ITGBL1: variants seen among roughly 807,000 people sequenced by gnomAD.
The protein encoded by ITGBL1 is integrin subunit beta like 1.
A neutral mutation model predicts 68.5 loss-of-function variants in ITGBL1; 51 were observed. The observed-to-expected ratio is 0.74, with a 90% confidence interval of 0.59 to 0.94. The LOEUF is 0.94. Among genes scored for constraint, ITGBL1 ranks in the 40% least tolerant of loss-of-function variants. The pLI, the probability that ITGBL1 is intolerant of heterozygous loss-of-function variation, is 0.00. For missense variants in ITGBL1, 649 were observed against 647.4 expected (o/e 1.00, Z -0.03); for synonymous variants, 209 against 227.3 (o/e 0.92, Z 0.72).
At chr13:101,458,912 T>G (rs1002285985) in intron 2 of ITGBL1, among the ~76,000 whole-genome samples, 1 of 152,172 alleles carries the variant, frequency 6.6e-6, no homozygotes, top group African/African-American at 2.4e-5. Context: ...GGGGAGGAAC[T>G]CCACGGGAGA....
intron 2 of ITGBL1, among the ~76,000 whole-genome samples, chr13:101,551,062 T>C (rs373734931): frequency 3.9e-5 from 6 of 152,228 alleles, no homozygotes; most frequent in Admixed American, 3.3e-4. Context: ...TTGCTGACCC[T>C]CTGTCATCAT....
At chr13:101,562,462 G>C (rs1308412645) in intron 2 of ITGBL1, among the ~76,000 whole-genome samples, 1 of 151,870 alleles carries the variant, frequency 6.6e-6, no homozygotes, top group Non-Finnish European at 1.5e-5. Flanking sequence ...ACATTGACAG[G>C]TTAAATATAA....
chr13:101,663,912 G>C (rs2033148650), intron 7 of ITGBL1, among the ~76,000 whole-genome samples: 1 of 152,196 alleles, frequency 6.6e-6, no homozygotes, highest in Non-Finnish European at 1.5e-5. Context: ...AAGGGAAAGA[G>C]AGAGAGGAAG....
intron 7 of ITGBL1, among the ~76,000 whole-genome samples, chr13:101,602,440 G>T (rs1013428984): frequency 5.9e-5 from 9 of 151,946 alleles, no homozygotes; most frequent in Non-Finnish European, 5.9e-5. Flanking sequence ...AAGTTAATAT[G>T]AAATATGCTT....
intron 2 of ITGBL1, among the ~76,000 whole-genome samples, chr13:101,533,597 T>A (rs1163306490): frequency 6.6e-6 from 1 of 152,254 alleles, no homozygotes; most frequent in Non-Finnish European, 1.5e-5. Context: ...TGGTTAAAAC[T>A]TTTTGATTAG....
At chr13:101,615,889 A>T (rs1427639394) in intron 7 of ITGBL1, among the ~76,000 whole-genome samples, 2 of 152,204 alleles carry the variant, frequency 1.3e-5, no homozygotes, top group Non-Finnish European at 2.9e-5. Flanking sequence ...AGAAGGTGCC[A>T]TCTATGTGTA....
At chr13:101,720,540 G>A (rs1310401977), downstream of ITGBL1, 1 of 145,136 alleles carries the variant, frequency 6.9e-6, no homozygotes, top group Admixed American at 6.8e-5. Context: ...CTGTGTGTGT[G>A]TGTGTGTGTG....
At chr13:101,717,283 C>T (rs1210532418), downstream of ITGBL1, 1 of 152,118 alleles carries the variant, frequency 6.6e-6, no homozygotes, top group South Asian at 2.1e-4. Flanking sequence ...TAACAATGTT[C>T]TCATAATGTA....
At chr13:101,520,509 G>T (rs2049267959) in intron 2 of ITGBL1, among the ~76,000 whole-genome samples, 1 of 152,132 alleles carries the variant, frequency 6.6e-6, no homozygotes, top group Admixed American at 6.5e-5. Flanking sequence ...TTGGAAGTAT[G>T]TATCAGCATG....
At chr13:101,641,163 T>C (rs2032354171) in intron 7 of ITGBL1, among the ~76,000 whole-genome samples, 1 of 152,138 alleles carries the variant, frequency 6.6e-6, no homozygotes. Flanking sequence ...AATAGCTTCA[T>C]CTTTTGAGTT....
chr13:101,531,485 A>G (rs1394242608), intron 2 of ITGBL1, among the ~76,000 whole-genome samples: 1 of 152,058 alleles, frequency 6.6e-6, no homozygotes, highest in African/African-American at 2.4e-5. Context: ...CATTAACAAT[A>G]TAGAGTGAAG....
At chr13:101,514,241 G>A (rs1013372122) in intron 2 of ITGBL1, among the ~76,000 whole-genome samples, 1 of 152,068 alleles carries the variant, frequency 6.6e-6, no homozygotes, top group Admixed American at 6.6e-5. Context: ...TAATTTGGTT[G>A]CTTGATGGAA....
chr13:101,526,914 C>T (rs1350518437), intron 2 of ITGBL1, among the ~76,000 whole-genome samples: 1 of 151,982 alleles, frequency 6.6e-6, no homozygotes, highest in Admixed American at 6.6e-5. Context: ...CTTGTATCAA[C>T]ATAATGCCAT....
intron 2 of ITGBL1, among the ~76,000 whole-genome samples, chr13:101,471,532 ATGTGTGTGTGTGTGTG>A (rs150659546): frequency 0.029 from 3,209 of 110,494 alleles, 117 homozygotes; most frequent in African/African-American, 0.093. Flanking sequence ...GTGTGTATGT[ATGTGTGTGTGTGTGTG>A]TGTGTGTGTG....
chr13:101,671,044 TTAA>T (rs1280313509), intron 7 of ITGBL1, among the ~76,000 whole-genome samples: 22 of 152,316 alleles, frequency 1.4e-4, no homozygotes, highest in African/African-American at 5.1e-4. Flanking sequence ...CATCAGATTT[TTAA>T]ACCATAGTTA....
chr13:101,709,371 C>CAACAAAAAAAA (rs770658418), intron 9 of ITGBL1, among the ~76,000 whole-genome samples: 4 of 61,198 alleles, frequency 6.5e-5, no homozygotes, highest in African/African-American at 2.9e-4. Flanking sequence ...GACTCCGTCT[C>CAACAAAAAAAA]AAAAAAAAAA....
At chr13:101,525,692 A>G (rs1932265) in intron 2 of ITGBL1, among the ~76,000 whole-genome samples, 71,669 of 151,844 alleles carry the variant, frequency 0.47, 18,394 homozygotes, top group East Asian at 0.62. Flanking sequence ...TACACTTACT[A>G]TTTCTATTTT....
intron 7 of ITGBL1, among the ~76,000 whole-genome samples, chr13:101,646,758 A>G (rs1225313561): frequency 6.6e-6 from 1 of 152,174 alleles, no homozygotes; most frequent in Non-Finnish European, 1.5e-5. Context: ...AGAATGCTGA[A>G]CCACACTAAA....
At chr13:101,682,702 T>C (rs2033672032) in intron 7 of ITGBL1, among the ~76,000 whole-genome samples, 1 of 152,096 alleles carries the variant, frequency 6.6e-6, no homozygotes, top group South Asian at 2.1e-4. Flanking sequence ...ATACACATAG[T>C]AATGTTTTCT....
Sources: gnomAD v4.1 joint callset for allele counts (sites outside exome capture counted in the v4.1 genomes callset) on GRCh38, gnomAD v4.1.1 for gene constraint, MANE v1.5 for transcripts, NCBI Gene and HGNC (gene_info 2026-07-23, HGNC 2026-07-21) for gene names.